DCDC1: variants seen among roughly 807,000 people sequenced by gnomAD.
DCDC1 encodes doublecortin domain containing 1, also known as doublecortin domain-containing protein 1.
In DCDC1, 200 loss-of-function variants were observed where a neutral mutation model predicts 178.3. The ratio of observed to expected loss-of-function variants is 1.12; its 90% confidence interval spans 1.00 to 1.26. The LOEUF (loss-of-function observed/expected upper bound fraction) is 1.26. Among genes scored for constraint, DCDC1 ranks in the 50% most tolerant of loss-of-function variants. The pLI is 0.00. For synonymous variants in DCDC1, 690 were observed against 604.8 expected (o/e 1.14, Z -2.07); for missense variants, 1,983 against 1,749.2 (o/e 1.13, Z -2.38).
intron 9 of DCDC1, among the ~76,000 whole-genome samples, chr11:31,150,766 A>G (rs917630513): frequency 6.6e-6 from 1 of 152,028 alleles, no homozygotes; most frequent in Non-Finnish European, 1.5e-5. Flanking sequence ...TATCTTCTCA[A>G]TTTTTAAAAG....
chr11:31,053,867 A>G (rs1442147354), intron 20 of DCDC1, among the ~76,000 whole-genome samples: 1 of 152,206 alleles, frequency 6.6e-6, no homozygotes, highest in Non-Finnish European at 1.5e-5. Flanking sequence ...CCGACATAAT[A>G]CCGAATGGGG....
chr11:31,231,044 C>T (rs1036297825), intron 9 of DCDC1, among the ~76,000 whole-genome samples: 6 of 151,990 alleles, frequency 3.9e-5, no homozygotes, highest in African/African-American at 9.7e-5. Context: ...ACTGCAGCCT[C>T]GACCTCCAAG....
chr11:30,960,182 T>G (rs1214517454), intron 20 of DCDC1, among the ~76,000 whole-genome samples: 2 of 152,262 alleles, frequency 1.3e-5, no homozygotes, highest in South Asian at 4.1e-4. Flanking sequence ...AAATATATAA[T>G]AGAACAACTA....
intron 34 of DCDC1, among the ~76,000 whole-genome samples, chr11:30,897,499 C>G (rs1944321613): frequency 7.1e-6 from 1 of 140,638 alleles, no homozygotes; most frequent in South Asian, 2.3e-4. Context: ...AGGAGAATGG[C>G]GTGAACCCGG....
intron 21 of DCDC1, among the ~76,000 whole-genome samples, chr11:30,947,040 C>G (rs1590483848): frequency 1.3e-5 from 2 of 152,256 alleles, no homozygotes; most frequent in South Asian, 2.1e-4. Context: ...CAGACTATCT[C>G]AAACATTTTC....
At chr11:30,925,791 C>A (rs1380215681) in intron 22 of DCDC1, among the ~76,000 whole-genome samples, 1 of 152,132 alleles carries the variant, frequency 6.6e-6, no homozygotes, top group African/African-American at 2.4e-5. Context: ...CGTTCTTTCT[C>A]CTACCTAAAA....
chr11:31,329,821 C>T (rs953863286), intron 2 of DCDC1, among the ~76,000 whole-genome samples: 3 of 152,112 alleles, frequency 2.0e-5, no homozygotes, highest in Admixed American at 6.5e-5. Context: ...TGGGTTGGTC[C>T]CAAGTCTTTG....
chr11:31,196,402 C>T (rs933841298), intron 9 of DCDC1, among the ~76,000 whole-genome samples: 1 of 151,848 alleles, frequency 6.6e-6, no homozygotes, highest in Non-Finnish European at 1.5e-5. Context: ...CAAGACTATC[C>T]ACCCCCCGAC....
chr11:31,112,480 C>A (rs1261782319), intron 11 of DCDC1, among the ~76,000 whole-genome samples: 5 of 152,126 alleles, frequency 3.3e-5, no homozygotes, highest in African/African-American at 7.2e-5. Context: ...TATTGGCTTC[C>A]CAGTGGCTCT....
At chr11:30,882,206 G>A (rs1453388229) in intron 36 of DCDC1, 1 of 152,130 alleles carries the variant, frequency 6.6e-6, no homozygotes, top group Non-Finnish European at 1.5e-5. Flanking sequence ...GTCAGGGCTG[G>A]GCATGTGATG....
At chr11:31,093,461 A>G (rs1957939682) in intron 16 of DCDC1, among the ~76,000 whole-genome samples, 1 of 152,190 alleles carries the variant, frequency 6.6e-6, no homozygotes, top group African/African-American at 2.4e-5. Context: ...ATAAATACAT[A>G]TTTACAAAAT....
intron 7 of DCDC1, 77 bp downstream of exon 7, chr11:31,290,570 A>G: frequency 7.2e-7 from 1 of 1,380,828 alleles, no homozygotes; most frequent in Non-Finnish European, 9.8e-7. Context: ...CGATATTTAG[A>G]AGAAGAAAAC....
At chr11:31,285,456 C>CAAG (rs554853995) in intron 7 of DCDC1, among the ~76,000 whole-genome samples, 22 of 152,224 alleles carry the variant, frequency 1.4e-4, no homozygotes, top group Middle Eastern at 3.4e-3. Flanking sequence ...CTTTTTGAAT[C>CAAG]TCTTAAGATA....
At position 30,925,931 on chromosome 11, in the gene DCDC1, G is replaced by A. The variant is rs575804798; in HGVS notation, c.2898-523C>T. On this transcript the variant is annotated intron_variant, in intron 22 of 38. Coordinates refer to ENST00000684477, the MANE Select transcript of DCDC1 (RefSeq NM_001387274.1). ...TGTTTCAACTACCTTTGAAACAGAC[G>A]TTTTTAGCCTGGTTAAACACTGAAC... 2.2e-4 allele frequency among the ~76,000 whole-genome samples: 34 copies of A among 152,202 alleles called. No individual in the cohort carries two copies. The East Asian group carries it at 2.7e-3, about 12-fold the overall frequency.
intron 7 of DCDC1, 64 bp from the exon 8 acceptor site, chr11:31,265,664 C>T: frequency 1.4e-6 from 1 of 726,186 alleles, no homozygotes; most frequent in Non-Finnish European, 2.0e-6. Flanking sequence ...CACATTTAAA[C>T]TCTTTTCTAT....
At chr11:31,052,575 T>G (rs2135417822) in intron 20 of DCDC1, among the ~76,000 whole-genome samples, 1 of 152,162 alleles carries the variant, frequency 6.6e-6, no homozygotes. Context: ...TGCATGGAAC[T>G]TTCACCAGGA....
At chr11:30,983,443 C>T (rs867463759) in intron 20 of DCDC1, among the ~76,000 whole-genome samples, 2 of 152,150 alleles carry the variant, frequency 1.3e-5, no homozygotes, top group African/African-American at 4.8e-5. Context: ...ATTGACATAG[C>T]ACTTTTAAGC....
chr11:31,095,097 T>C (rs780806281), intron 15 of DCDC1, among the ~76,000 whole-genome samples: 61 of 152,166 alleles, frequency 4.0e-4, no homozygotes, highest in Non-Finnish European at 7.6e-4. Context: ...TCCAGCTTCA[T>C]CCATGTCCCT....
intron 20 of DCDC1, among the ~76,000 whole-genome samples, chr11:30,967,365 A>G (rs910361919): frequency 6.6e-6 from 1 of 151,928 alleles, no homozygotes; most frequent in African/African-American, 2.4e-5. Flanking sequence ...CTTTGAAGCA[A>G]TTGTGAATGG....
Sources: allele counts gnomAD v4.1 joint callset (sites outside exome capture counted in the v4.1 genomes callset), GRCh38; gene constraint gnomAD v4.1.1; transcripts MANE v1.5; gene names NCBI Gene and HGNC (gene_info 2026-07-23, HGNC 2026-07-21).